The following SGMS1 variants were observed in gnomAD, a reference collection of about 807,000 sequenced individuals.
The protein encoded by SGMS1 is phosphatidylcholine:ceramide cholinephosphotransferase 1.
Under a neutral mutation model 46.2 loss-of-function variants are expected in SGMS1, and 13 were observed. The observed-to-expected ratio is 0.28, with a 90% CI of 0.18 to 0.45. The LOEUF (loss-of-function observed/expected upper bound fraction) is 0.45. Among genes scored for constraint, SGMS1 ranks in the 20% least tolerant of loss-of-function variants. The pLI is 1.00. For synonymous variants in SGMS1, 203 were observed against 187.8 expected (o/e 1.08, Z -0.66); for missense variants, 324 against 519.9 (o/e 0.62, Z 3.66).
At chr10:50,335,579 C>T (rs777687388) in intron 7 of SGMS1, 3 of 152,128 alleles carry the variant, frequency 2.0e-5, no homozygotes, top group Non-Finnish European at 4.4e-5. Context: ...TGAGTATAAC[C>T]ACATGCTTCA....
intron 3 of SGMS1, among the ~76,000 whole-genome samples, chr10:50,494,107 A>G (rs1481036019): frequency 6.6e-6 from 1 of 152,216 alleles, no homozygotes; most frequent in Non-Finnish European, 1.5e-5. Flanking sequence ...CAGAATGGCT[A>G]TTATTAAAAA....
intron 5 of SGMS1, among the ~76,000 whole-genome samples, chr10:50,447,038 T>C (rs1020241537): frequency 6.6e-6 from 1 of 152,202 alleles, no homozygotes; most frequent in Non-Finnish European, 1.5e-5. Flanking sequence ...GAAAACAAAC[T>C]ATTGTCTGCT....
chr10:50,365,162 A>C (rs61858206), intron 6 of SGMS1, among the ~76,000 whole-genome samples: 26,737 of 148,188 alleles, frequency 0.18, 2,740 homozygotes, highest in Admixed American at 0.24. Context: ...CAGGACGTTG[A>C]GAATCTCTTG....
intron 6 of SGMS1, among the ~76,000 whole-genome samples, chr10:50,415,079 C>T (rs1370063636): frequency 6.6e-6 from 1 of 152,180 alleles, no homozygotes; most frequent in Non-Finnish European, 1.5e-5. Context: ...TGAGATCGCG[C>T]CACTGCACTC....
At chr10:50,407,131 G>C (rs1288988457) in intron 6 of SGMS1, among the ~76,000 whole-genome samples, 1 of 152,134 alleles carries the variant, frequency 6.6e-6, no homozygotes, top group African/African-American at 2.4e-5. Flanking sequence ...AGTAGGCCCA[G>C]TGGCAACGTG....
intron 6 of SGMS1, among the ~76,000 whole-genome samples, chr10:50,352,908 C>T (rs897412654): frequency 3.3e-5 from 5 of 152,142 alleles, no homozygotes; most frequent in Non-Finnish European, 5.9e-5. Context: ...AATCTCTGAA[C>T]AGACCAATAA....
rs116112070 is a variant in SGMS1, at chr10:50,439,326, G to A, written c.-312-5770C>T. On this transcript the variant is annotated intron_variant, in intron 5 of 10. Transcript: ENST00000361781. ...GAGCCAGAGACCTCTTATCTCAGCA[G>A]GCCATCTTTCCAAGCAGAAACTGGT... Among the ~76,000 whole-genome samples the A allele has an allele frequency of 3.2e-3, 484 of 152,218 alleles. 1 individual carries two copies. Among genetic ancestry groups the A allele is most frequent in the African/African-American group, 0.011 (463 of 41,518 alleles).
chr10:50,510,273 T>C (rs981392435), intron 3 of SGMS1, among the ~76,000 whole-genome samples: 1 of 152,228 alleles, frequency 6.6e-6, no homozygotes, highest in Non-Finnish European at 1.5e-5. Context: ...ACCAGTTTGT[T>C]TATCCATTCA....
chr10:50,544,524 C>A (rs1435784789), intron 2 of SGMS1, among the ~76,000 whole-genome samples: 3 of 152,154 alleles, frequency 2.0e-5, no homozygotes, highest in Non-Finnish European at 4.4e-5. Context: ...TTTTTTTGAT[C>A]ACATTCTACT....
At chr10:50,391,221 CCA>C (rs1171221310) in intron 6 of SGMS1, among the ~76,000 whole-genome samples, 2 of 152,204 alleles carry the variant, frequency 1.3e-5, no homozygotes, top group Non-Finnish European at 2.9e-5. Context: ...GTCTAGGAGA[CCA>C]CAGACCTAAA....
intron 1 of SGMS1, among the ~76,000 whole-genome samples, chr10:50,595,578 C>T (rs1838583893): frequency 6.6e-6 from 1 of 152,146 alleles, no homozygotes; most frequent in South Asian, 2.1e-4. Flanking sequence ...GTAACTTGGC[C>T]AAAATCACAT....
chr10:50,606,974 T>C (rs1187620191), intron 1 of SGMS1, among the ~76,000 whole-genome samples: 1 of 151,664 alleles, frequency 6.6e-6, no homozygotes, highest in African/African-American at 2.4e-5. Context: ...AGCTCTAGCA[T>C]TGTACTTTTT....
intron 6 of SGMS1, among the ~76,000 whole-genome samples, chr10:50,389,177 G>A (rs1438766618): frequency 1.3e-5 from 2 of 151,990 alleles, no homozygotes; most frequent in Non-Finnish European, 1.5e-5. Flanking sequence ...GAATACTATG[G>A]GTAGAGGTCA....
At chr10:50,506,855 C>G (rs1298193495) in intron 3 of SGMS1, among the ~76,000 whole-genome samples, 1 of 152,228 alleles carries the variant, frequency 6.6e-6, no homozygotes, top group Non-Finnish European at 1.5e-5. Context: ...CGCACATGAC[C>G]TCACTTAACT....
chr10:50,343,133 G>A, intron 7 of SGMS1: 1 of 168,286 alleles, frequency 5.9e-6, no homozygotes, highest in Non-Finnish European at 1.3e-5. Flanking sequence ...GCCAACTGTC[G>A]ATTTATTTAA....
intron 7 of SGMS1, among the ~76,000 whole-genome samples, chr10:50,334,345 T>A (rs1237690677): frequency 6.6e-6 from 1 of 152,228 alleles, no homozygotes; most frequent in Non-Finnish European, 1.5e-5. Flanking sequence ...TACATTAGTG[T>A]ATATATACAC....
chr10:50,444,847 A>G (rs753413479), intron 5 of SGMS1, among the ~76,000 whole-genome samples: 9 of 152,286 alleles, frequency 5.9e-5, no homozygotes, highest in Non-Finnish European at 8.8e-5. Context: ...TACTACCAAT[A>G]AAAGAAAAAC....
At chr10:50,578,347 T>A (rs1287077977) in intron 2 of SGMS1, among the ~76,000 whole-genome samples, 2 of 152,228 alleles carry the variant, frequency 1.3e-5, no homozygotes, top group African/African-American at 4.8e-5. Context: ...TTAATTCAGC[T>A]TTTCATGTAA....
chr10:50,530,924 C>T (rs1837947909), intron 2 of SGMS1, among the ~76,000 whole-genome samples: 1 of 152,026 alleles, frequency 6.6e-6, no homozygotes, highest in Admixed American at 6.6e-5. Context: ...TAGAAATAAA[C>T]ACCTTTTTCT....
Sources: gnomAD v4.1 joint callset for allele counts (sites outside exome capture counted in the v4.1 genomes callset) on GRCh38, gnomAD v4.1.1 for gene constraint, MANE v1.5 for transcripts, NCBI Gene and HGNC (gene_info 2026-07-23, HGNC 2026-07-21) for gene names.